The following PDSS1 variants were observed in gnomAD, a reference collection of about 807,000 sequenced individuals.
The protein encoded by PDSS1 is all trans-polyprenyl-diphosphate synthase PDSS1.
Under a neutral mutation model 57.5 loss-of-function variants are expected in PDSS1, and 43 were observed. That is an observed-to-expected ratio of 0.75 (90% CI 0.59 to 0.96). The LOEUF (loss-of-function observed/expected upper bound fraction) is 0.96, where lower values mean the gene tolerates loss of function less well. Among genes scored for constraint, PDSS1 ranks in the 50% least tolerant of loss-of-function variants. PDSS1 has a pLI of 0.00. For synonymous variants in PDSS1, 175 were observed against 191.3 expected (o/e 0.91, Z 0.70); for missense variants, 438 against 527.8 (o/e 0.83, Z 1.67).
At chr10:26,713,777 C>T (rs1416884975) in intron 5 of PDSS1, among the ~76,000 whole-genome samples, 4 of 152,166 alleles carry the variant, frequency 2.6e-5, no homozygotes, top group Non-Finnish European at 5.9e-5. Context: ...CCAGATCCCC[C>T]GTCAGTGCAC....
chr10:26,721,597 T>G (rs1331704616), intron 6 of PDSS1, among the ~76,000 whole-genome samples: 2 of 152,208 alleles, frequency 1.3e-5, no homozygotes, highest in African/African-American at 4.8e-5. Flanking sequence ...TTGACTAAAT[T>G]CTGTACATCA....
At chr10:26,712,169 T>C (rs1835425468) in intron 5 of PDSS1, among the ~76,000 whole-genome samples, 1 of 95,992 alleles carries the variant, frequency 1.0e-5, no homozygotes, top group Non-Finnish European at 2.4e-5. Context: ...GCCCAGCCAA[T>C]TTTGTGTTTT....
chr10:26,741,706 G>C (rs1043811823), intron 10 of PDSS1, among the ~76,000 whole-genome samples: 1 of 152,092 alleles, frequency 6.6e-6, no homozygotes, highest in African/African-American at 2.4e-5. Flanking sequence ...CTAGGCCAGT[G>C]ACTCTCAAAA....
intron 5 of PDSS1, among the ~76,000 whole-genome samples, chr10:26,716,035 T>C (rs148681065): frequency 3.7e-4 from 57 of 152,306 alleles, no homozygotes; most frequent in African/African-American, 1.3e-3. Flanking sequence ...TGCTAACAAA[T>C]CTATGACTGT....
intron 8 of PDSS1, among the ~76,000 whole-genome samples, chr10:26,730,064 T>C (rs1233117818): frequency 4.6e-5 from 7 of 151,434 alleles, no homozygotes; most frequent in Non-Finnish European, 7.4e-5. Context: ...AGGTGCCCGC[T>C]ACCACGCCCG....
chr10:26,723,560 T>G (rs1294097847), intron 6 of PDSS1, among the ~76,000 whole-genome samples: 1 of 152,184 alleles, frequency 6.6e-6, no homozygotes, highest in East Asian at 1.9e-4. Context: ...CTGTCCCAAA[T>G]CTGTAACTGA....
At chr10:26,740,803 C>G (rs545948093) in intron 10 of PDSS1, 59 of 391,762 alleles carry the variant, frequency 1.5e-4, no homozygotes, top group Non-Finnish European at 2.7e-4. Context: ...GGAAGTCACT[C>G]GGCTGTGGCA....
At chr10:26,708,498 C>T (rs72797951) in intron 4 of PDSS1, among the ~76,000 whole-genome samples, 4,219 of 152,308 alleles carry the variant, frequency 0.028, 85 homozygotes, top group Non-Finnish European at 0.04. Context: ...GCATTGTTCA[C>T]GCTACCACTG....
At chr10:26,718,695 A>C (rs1835682488) in intron 5 of PDSS1, 1 of 145,070 alleles carries the variant, frequency 6.9e-6, no homozygotes, top group Non-Finnish European at 1.5e-5. Context: ...CGGGAGGCAG[A>C]GGTTGTAGTG....
intron 11 of PDSS1, among the ~76,000 whole-genome samples, chr10:26,743,123 C>A (rs1377833715): frequency 6.6e-6 from 1 of 152,210 alleles, no homozygotes; most frequent in Non-Finnish European, 1.5e-5. Flanking sequence ...AAATGTTTTT[C>A]TTTTAAAGGG....
chr10:26,697,940 C>A, intron 1 of PDSS1, 100 bp downstream of exon 1: 1 of 1,047,882 alleles, frequency 9.5e-7, no homozygotes, highest in Non-Finnish European at 1.2e-6. Context: ...TGCGTCGCGA[C>A]GCGGGGGCGC....
intron 8 of PDSS1, among the ~76,000 whole-genome samples, chr10:26,724,962 A>G (rs1835905635): frequency 6.6e-6 from 1 of 152,176 alleles, no homozygotes; most frequent in Non-Finnish European, 1.5e-5. Context: ...AATTGAGTAT[A>G]AGCCATAACT....
intron 4 of PDSS1, among the ~76,000 whole-genome samples, chr10:26,705,990 C>T (rs759340193): frequency 6.6e-6 from 1 of 152,164 alleles, no homozygotes; most frequent in Non-Finnish European, 1.5e-5. Context: ...CTCTTAAAAC[C>T]CACCACCTCC....
rs1340996046 is a variant in PDSS1 at position 26,711,320 on chromosome 10, A to G, written c.467+1552A>G. Among the ~76,000 whole-genome samples, 8 of 98,834 alleles carry G rather than the reference A, an allele frequency of 8.1e-5. 2 individuals carry two copies. Among genetic ancestry groups the G allele is most frequent in the African/African-American group, 2.3e-4 (7 of 30,492 alleles). 64.8% of individuals were successfully genotyped at this position (98,834 alleles called of 152,430 possible). A position where few individuals can be genotyped will look rare whatever the true frequency, so the allele number is the denominator to read the frequency against. On this transcript the variant is annotated intron_variant, in intron 5 of 11. Transcript: ENST00000376215. ...TAAGGAATGCCTAAGATTTGTCAGC[A>G]CTGAATTTAATGACGCTGTAAGAAT... is the stretch of plus-strand genomic sequence containing the variant.
rs1031589171 is a variant in PDSS1 at position 26,704,702 on chromosome 10, A to C, written c.188A>C (p.His63Pro). ...ATACCCTATATTAATCTTGTGAAGC[A>C]TTTAACATCTGCCTGTCCAAATGTA... is the stretch of plus-strand genomic sequence containing the variant. Reference protein sequence around the residue: ...SQIPYINLVKHLTSACPNVCR... With the variant: ...SQIPYINLVKPLTSACPNVCR... The change falls in exon 3 of 12, where the codon CAT becomes CCT. Residue 63 changes from histidine to proline, a missense_variant. Transcript: ENST00000376215. 4.8e-6 allele frequency: 7 copies of C among 1,447,076 alleles called. No homozygotes were observed. The Admixed American group carries it at 1.0e-4, about 21-fold the overall frequency. 89.6% of individuals were successfully genotyped at this position (1,447,076 alleles called of 1,614,324 possible).
In PDSS1 at chr10:26,702,638, C is replaced by T. The variant is rs546951588; in HGVS notation, c.162+444C>T. 1.6e-4 allele frequency among the ~76,000 whole-genome samples: 25 copies of T among 152,216 alleles called. No homozygotes were observed. The South Asian group carries it at 5.2e-3, about 32-fold the overall frequency. On this transcript the variant is annotated intron_variant, in intron 2 of 11. Coordinates refer to ENST00000376215, the MANE Select transcript of PDSS1 (RefSeq NM_014317.5). The stretch of plus-strand genomic sequence containing the variant: ...TTACACCTCTTTCTTTTATAAATTA[C>T]CCAGTCTTGGGTATTTCTTTATAGC...
At chr10:26,719,198 G>C (rs192576409) in intron 5 of PDSS1, among the ~76,000 whole-genome samples, 62 of 152,244 alleles carry the variant, frequency 4.1e-4, no homozygotes, top group Non-Finnish European at 8.1e-4. Flanking sequence ...GGTTCCAAAT[G>C]GTTATTTCGC....
chr10:26,697,907 A>T, intron 1 of PDSS1, 67 bp downstream of exon 1: 1 of 1,219,080 alleles, frequency 8.2e-7, no homozygotes, highest in Non-Finnish European at 1.0e-6. Flanking sequence ...CAGTGGGCGG[A>T]ATGAATGGGA....
chr10:26,734,295 G>A (rs1005408393), intron 8 of PDSS1, among the ~76,000 whole-genome samples: 3 of 152,186 alleles, frequency 2.0e-5, no homozygotes, highest in African/African-American at 4.8e-5. Flanking sequence ...TAGCATCCGC[G>A]AGCCTTACAG....
Sources: gnomAD v4.1 joint callset for allele counts (sites outside exome capture counted in the v4.1 genomes callset) on GRCh38, gnomAD v4.1.1 for gene constraint, MANE v1.5 for transcripts, NCBI Gene and HGNC (gene_info 2026-07-23, HGNC 2026-07-21) for gene names.